Variants in RGS6 observed in about 807,000 individuals in gnomAD.
RGS6 encodes regulator of G-protein signaling 6.
A neutral mutation model predicts 78.5 loss-of-function variants in RGS6; 30 were observed. That is an observed-to-expected ratio of 0.38 (90% CI 0.29 to 0.52). RGS6 has a LOEUF of 0.52. Ranked by LOEUF, RGS6 falls within the 20% of genes least tolerant of loss-of-function variation. The pLI, the probability that RGS6 is intolerant of heterozygous loss-of-function variation, is 0.85. For synonymous variants in RGS6, 206 were observed against 206.0 expected (o/e 1.00, Z 0.00); for missense variants, 495 against 609.7 (o/e 0.81, Z 1.98).
At chr14:72,434,525 C>G (rs10151157) in intron 3 of RGS6, among the ~76,000 whole-genome samples, 105,403 of 151,944 alleles carry the variant, frequency 0.69, 36,943 homozygotes, top group East Asian at 0.98. Context: ...GATCACAATT[C>G]CGGTGGCCTG....
chr14:72,264,767 T>C (rs985852955), intron 2 of RGS6, among the ~76,000 whole-genome samples: 3 of 152,174 alleles, frequency 2.0e-5, no homozygotes, highest in African/African-American at 7.2e-5. Flanking sequence ...CCCAGGGACA[T>C]TGAGAGGGCA....
intron 3 of RGS6, among the ~76,000 whole-genome samples, chr14:72,419,940 CT>C (rs1253906449): frequency 7.2e-5 from 11 of 152,158 alleles, no homozygotes; most frequent in African/African-American, 2.7e-4. Flanking sequence ...ATCTGCCCCC[CT>C]AAGGGTGTGA....
chr14:72,465,570 A>G (rs1331510732), intron 6 of RGS6, among the ~76,000 whole-genome samples, 188 bp from the exon 7 acceptor site: 1 of 148,782 alleles, frequency 6.7e-6, no homozygotes, highest in Non-Finnish European at 1.5e-5. Flanking sequence ...GGATGGATGG[A>G]TGGATGGATG....
intron 3 of RGS6, among the ~76,000 whole-genome samples, chr14:72,380,286 C>T (rs769392209): frequency 4.5e-4 from 69 of 152,072 alleles, no homozygotes; most frequent in Non-Finnish European, 8.2e-4. Context: ...TAAGACCCCA[C>T]TGGCACAGAC....
chr14:71,981,879 C>T (rs942796753), intron 2 of RGS6, among the ~76,000 whole-genome samples: 30 of 145,730 alleles, frequency 2.1e-4, no homozygotes, highest in Non-Finnish European at 4.1e-4. Context: ...GCACCCCTCC[C>T]CCAGCCTCGT....
intron 2 of RGS6, among the ~76,000 whole-genome samples, chr14:72,098,181 T>G (rs1337639432): frequency 1.3e-5 from 2 of 152,188 alleles, no homozygotes; most frequent in African/African-American, 4.8e-5. Context: ...ACCGCCCCCA[T>G]CCTCGGGGTC....
intron 17 of RGS6, 38 bp downstream of exon 17, chr14:72,540,132 T>C (rs765506128): frequency 1.9e-6 from 3 of 1,556,942 alleles, no homozygotes; most frequent in South Asian, 2.4e-5. Flanking sequence ...GCTTTTCTTT[T>C]GGTTTTGGTT....
At chr14:72,088,727 CT>C (rs796068260) in intron 2 of RGS6, among the ~76,000 whole-genome samples, 58 of 152,202 alleles carry the variant, frequency 3.8e-4, no homozygotes, top group African/African-American at 1.3e-3. Context: ...AACATCCACA[CT>C]TTTTATCCTG....
At chr14:72,082,173 A>T (rs2153476931) in intron 2 of RGS6, among the ~76,000 whole-genome samples, 1 of 152,256 alleles carries the variant, frequency 6.6e-6, no homozygotes, top group African/African-American at 2.4e-5. Context: ...ATTTAAAAAA[A>T]AATTTCTGTG....
the RGS6 span, among the ~76,000 whole-genome samples, chr14:71,911,503 C>T: frequency 6.6e-6 from 1 of 152,172 alleles, no homozygotes; most frequent in Non-Finnish European, 1.5e-5. Flanking sequence ...CTTGCGTGAA[C>T]AGGGTAGACT....
intron 2 of RGS6, among the ~76,000 whole-genome samples, chr14:72,272,493 A>G (rs942115515): frequency 6.6e-6 from 1 of 152,202 alleles, no homozygotes; most frequent in Admixed American, 6.5e-5. Context: ...CTAGCCTTCC[A>G]TGGCTCTCAA....
At chr14:72,208,846 A>C (rs1253257778) in intron 2 of RGS6, among the ~76,000 whole-genome samples, 1 of 152,236 alleles carries the variant, frequency 6.6e-6, no homozygotes, top group Non-Finnish European at 1.5e-5. Flanking sequence ...ATCAGAAAGC[A>C]TAATTGCTTT....
chr14:72,552,328 G>C (rs1351723597), intron 17 of RGS6, among the ~76,000 whole-genome samples: 1 of 152,198 alleles, frequency 6.6e-6, no homozygotes, highest in Non-Finnish European at 1.5e-5. Flanking sequence ...CGATTTCCTG[G>C]GGCCCCTAAG....
At chr14:72,362,656 C>A (rs866760493) in intron 3 of RGS6, among the ~76,000 whole-genome samples, 3 of 152,184 alleles carry the variant, frequency 2.0e-5, no homozygotes, top group Non-Finnish European at 4.4e-5. Context: ...CCAAGCAGGA[C>A]AGGATAAAAA....
chr14:72,277,369 G>T (rs112231159), intron 2 of RGS6, among the ~76,000 whole-genome samples: 1 of 151,088 alleles, frequency 6.6e-6, no homozygotes, highest in Non-Finnish European at 1.5e-5. Flanking sequence ...AGGCCGAAGC[G>T]GGCGGATCAT....
intron 1 of RGS6, among the ~76,000 whole-genome samples, chr14:71,954,238 G>A (rs754994529): frequency 6.6e-5 from 10 of 151,630 alleles, no homozygotes; most frequent in Non-Finnish European, 1.2e-4. Context: ...AAAGTTCTCC[G>A]TCATTATTCC....
At chr14:72,149,563 C>A (rs140447267) in intron 2 of RGS6, among the ~76,000 whole-genome samples, 5 of 152,188 alleles carry the variant, frequency 3.3e-5, no homozygotes, top group African/African-American at 1.2e-4. Flanking sequence ...GTTAAAGGAA[C>A]GTTTGGGACC....
chr14:71,889,315 G>A, the RGS6 span, among the ~76,000 whole-genome samples: 1 of 152,118 alleles, frequency 6.6e-6, no homozygotes, highest in East Asian at 1.9e-4. Flanking sequence ...CAGCAACCGA[G>A]GAAGAAGCAG....
At chr14:72,212,499 G>C (rs1218780142) in intron 2 of RGS6, among the ~76,000 whole-genome samples, 3 of 152,156 alleles carry the variant, frequency 2.0e-5, no homozygotes, top group Non-Finnish European at 2.9e-5. Context: ...GCTGTGGGTA[G>C]CTGAATACAG....
Sources: gnomAD v4.1 joint callset for allele counts (sites outside exome capture counted in the v4.1 genomes callset) on GRCh38, gnomAD v4.1.1 for gene constraint, MANE v1.5 for transcripts, NCBI Gene and HGNC (gene_info 2026-07-23, HGNC 2026-07-21) for gene names.